The following RAB3B variants were observed in gnomAD, a reference collection of about 807,000 sequenced individuals.
RAB3B encodes the protein RAB3B, member RAS oncogene family, also known as ras-related protein Rab-3B.
In RAB3B, 11 loss-of-function variants were observed where a neutral mutation model predicts 20.5. The observed-to-expected ratio is 0.54, with a 90% CI of 0.34 to 0.89. RAB3B has a LOEUF of 0.89. Ranked by LOEUF, RAB3B falls within the 40% of genes least tolerant of loss-of-function variation. The probability of loss-of-function intolerance (pLI) is 0.02; values close to 1 mark genes in which losing one functional copy is unlikely to be tolerated. For synonymous variants in RAB3B, 99 were observed against 106.3 expected, an observed-to-expected ratio of 0.93 and a Z score of 0.42; for missense variants, 225 against 280.9, an observed-to-expected ratio of 0.80 and a Z score of 1.42.
intron 2 of RAB3B, among the ~76,000 whole-genome samples, chr1:51,947,104 T>C (rs1684575378): frequency 6.6e-6 from 1 of 152,128 alleles, no homozygotes; most frequent in South Asian, 2.1e-4. Context: ...GCAGACAGAA[T>C]CCAAATTCTG....
intron 2 of RAB3B, among the ~76,000 whole-genome samples, chr1:51,952,114 G>A (rs1371545667): frequency 6.6e-6 from 1 of 152,198 alleles, no homozygotes; most frequent in African/African-American, 2.4e-5. Context: ...AAGCCCTTAT[G>A]AGAGTAATTA....
At position 51,919,860 on chromosome 1, in the gene RAB3B, G is replaced by T; in HGVS notation, c.*67C>A. 2.0e-6 allele frequency: 3 copies of T among 1,470,682 alleles called. No homozygotes were observed. The highest frequency in any genetic ancestry group is 1.9e-6 in the Non-Finnish European group (2 of 1,076,148). 91.1% of individuals were successfully genotyped at this position (1,470,682 alleles called of 1,614,324 possible). A position where few individuals can be genotyped will look rare whatever the true frequency, so the allele number is the denominator to read the frequency against. ...GGAGAGTGGGCTGAGAGCGGACAGT[G>T]TGTAACAGGGAGAAGCAGACTGGGT... is the stretch of plus-strand genomic sequence containing the variant. On this transcript the variant is annotated 3_prime_UTR_variant, in exon 5 of 5. Transcript: ENST00000371655.
intron 1 of RAB3B, among the ~76,000 whole-genome samples, chr1:51,990,015 C>G (rs1438644522): frequency 6.9e-6 from 1 of 145,452 alleles, no homozygotes; most frequent in East Asian, 2.1e-4. Flanking sequence ...CCCAGCGCCC[C>G]TTGCCCTCGG....
intron 4 of RAB3B, among the ~76,000 whole-genome samples, chr1:51,924,006 A>C (rs1367272600): frequency 6.6e-6 from 1 of 152,150 alleles, no homozygotes; most frequent in Non-Finnish European, 1.5e-5. Flanking sequence ...GCAGAAGTCC[A>C]TATAGACAGG....
Position 51,918,017 on chromosome 1 carries a change from A to G in RAB3B, c.*1910T>C, listed in dbSNP as rs1410927490. 4 of 152,214 alleles carry G rather than the reference A, an allele frequency of 2.6e-5. No individual in the cohort carries two copies. The highest frequency in any genetic ancestry group is 9.6e-5 in the African/African-American group (4 of 41,460). 9.4% of individuals were successfully genotyped at this position (152,214 alleles called of 1,614,324 possible). ...TAGAGAAGAAAGGTTTTCTGGAATC[A>G]CTGCCAGTTCCATGTCATTATTTCA... On this transcript the variant is annotated 3_prime_UTR_variant, in exon 5 of 5. Coordinates refer to ENST00000371655, the MANE Select transcript of RAB3B (RefSeq NM_002867.4).
At chr1:51,961,791 G>A (rs1157122494) in intron 2 of RAB3B, among the ~76,000 whole-genome samples, 1 of 151,236 alleles carries the variant, frequency 6.6e-6, no homozygotes, top group Non-Finnish European at 1.5e-5. Context: ...TATTTTTTTT[G>A]AGACAGTCTC....
chr1:51,959,997 G>A (rs1282812080), intron 2 of RAB3B, among the ~76,000 whole-genome samples: 3 of 152,168 alleles, frequency 2.0e-5, no homozygotes, highest in Non-Finnish European at 4.4e-5. Context: ...TGGGGAGGCA[G>A]AAAGGGCCAA....
rs1684871718 is a variant in RAB3B, at chr1:51,967,521, C to CTTTTTTTTTTTTTTTCT, written c.228+9368_228+9369insAGAAAAAAAAAAAAAAA. ...TTCCTTTTTCTTTTCTTTTCTTTTT[C>CTTTTTTTTTTTTTTTCT]TTTTTTTTTTTTTTTTTTGAGATAG... On this transcript the variant is annotated intron_variant, in intron 2 of 4. Transcript: ENST00000371655. Among the ~76,000 whole-genome samples, 8 of 36,496 alleles carry CTTTTTTTTTTTTTTTCT rather than the reference C, an allele frequency of 2.2e-4. 2 individuals are homozygous for CTTTTTTTTTTTTTTTCT. Among genetic ancestry groups the CTTTTTTTTTTTTTTTCT allele is most frequent in the Admixed American group, 6.3e-4 (1 of 1,576 alleles). The allele number at this position is 36,496 out of a possible 152,430, so 23.9% of individuals were successfully genotyped here. A position where few individuals can be genotyped will look rare whatever the true frequency, so the allele number is the denominator to read the frequency against.
intron 4 of RAB3B, 107 bp from the exon 5 acceptor site, chr1:51,920,221 G>C: frequency 3.0e-6 from 3 of 994,534 alleles, no homozygotes; most frequent in Non-Finnish European, 4.3e-6. Context: ...GTGCTCAGCA[G>C]TGAAGCAAAG....
At chr1:51,921,852 G>A (rs1684176151) in intron 4 of RAB3B, among the ~76,000 whole-genome samples, 1 of 152,090 alleles carries the variant, frequency 6.6e-6, no homozygotes, top group South Asian at 2.1e-4. Context: ...TCTAACAAAG[G>A]AGGGATCTCT....
intron 2 of RAB3B, among the ~76,000 whole-genome samples, chr1:51,945,760 C>T (rs1684555986): frequency 6.6e-6 from 1 of 152,234 alleles, no homozygotes; most frequent in South Asian, 2.1e-4. Context: ...AGGGCTGCCT[C>T]CAGCCAGAGT....
At chr1:51,974,862 A>C (rs1342490548) in intron 2 of RAB3B, among the ~76,000 whole-genome samples, 1 of 152,228 alleles carries the variant, frequency 6.6e-6, no homozygotes, top group Non-Finnish European at 1.5e-5. Flanking sequence ...TGCCCCAATA[A>C]GATATATGCA....
chr1:51,951,735 G>A (rs142042492), intron 2 of RAB3B, among the ~76,000 whole-genome samples: 8 of 152,270 alleles, frequency 5.3e-5, no homozygotes, highest in African/African-American at 1.9e-4. Flanking sequence ...AATCACTTGA[G>A]CCTAGGAGAT....
chr1:51,960,539 G>A lies in RAB3B; in HGVS notation c.228+16351C>T, dbSNP rs142403331. Among the ~76,000 whole-genome samples the A allele has an allele frequency of 1.0e-3, 157 of 152,224 alleles. 2 individuals are homozygous for A. The highest frequency in any genetic ancestry group is 3.5e-3 in the African/African-American group (146 of 41,514). The stretch of plus-strand genomic sequence containing the variant: ...GTGTGGGGCAATGGTGTTGGGCAAC[G>A]GTGTGGGGGAAGGAGGATTCTGCAG... On this transcript the variant is annotated intron_variant, in intron 2 of 4. Transcript: ENST00000371655.
chr1:51,949,482 C>T (rs1016209388), intron 2 of RAB3B, among the ~76,000 whole-genome samples: 9 of 152,194 alleles, frequency 5.9e-5, no homozygotes, highest in Non-Finnish European at 1.0e-4. Flanking sequence ...CCACTGCAAC[C>T]GCACCTTCGG....
chr1:51,957,351 TC>T (rs1180778399), intron 2 of RAB3B, among the ~76,000 whole-genome samples: 6 of 152,102 alleles, frequency 3.9e-5, no homozygotes, highest in Non-Finnish European at 8.8e-5. Flanking sequence ...ATTCTCATCC[TC>T]CCCCCTTAAT....
At chr1:51,965,554 G>C (rs1338668195) in intron 2 of RAB3B, among the ~76,000 whole-genome samples, 1 of 151,600 alleles carries the variant, frequency 6.6e-6, no homozygotes, top group African/African-American at 2.4e-5. Flanking sequence ...GGCTGAGGCA[G>C]GAGAATCGCT....
chr1:51,941,742 A>G (rs1227617607), intron 2 of RAB3B, among the ~76,000 whole-genome samples: 1 of 152,158 alleles, frequency 6.6e-6, no homozygotes, highest in African/African-American at 2.4e-5. Flanking sequence ...TCTTCTTTTC[A>G]TTGAGCAATG....
chr1:51,959,044 C>T (rs897182787), intron 2 of RAB3B, among the ~76,000 whole-genome samples: 1 of 152,194 alleles, frequency 6.6e-6, no homozygotes, highest in African/African-American at 2.4e-5. Flanking sequence ...CCTCAGGGAG[C>T]ATGCAGTCTG....
Sources: gnomAD v4.1 joint callset for allele counts (sites outside exome capture counted in the v4.1 genomes callset) on GRCh38, gnomAD v4.1.1 for gene constraint, MANE v1.5 for transcripts, NCBI Gene and HGNC (gene_info 2026-07-23, HGNC 2026-07-21) for gene names.